Variants in ELP1 observed in about 807,000 individuals in gnomAD.
ELP1 encodes the protein elongator complex protein 1.
Under a neutral mutation model 183.2 loss-of-function variants are expected in ELP1, and 131 were observed. That is an observed-to-expected ratio of 0.72 (90% CI 0.62 to 0.83). The LOEUF (loss-of-function observed/expected upper bound fraction) is 0.83. ELP1 is among the 40% of genes least tolerant of loss of function. The pLI, the probability that ELP1 is intolerant of heterozygous loss-of-function variation, is 0.00. For missense variants in ELP1, 1,550 were observed against 1,594.9 expected (o/e 0.97, Z 0.48); for synonymous variants, 555 against 569.0 (o/e 0.98, Z 0.35).
chr9:108,907,052 G>T (rs1291844357), intron 13 of ELP1, among the ~76,000 whole-genome samples: 1 of 152,154 alleles, frequency 6.6e-6, no homozygotes, highest in African/African-American at 2.4e-5. Flanking sequence ...TCCCACTGAA[G>T]AAGTTGGTCA....
chr9:108,923,697 T>C (rs1829736509), intron 5 of ELP1, among the ~76,000 whole-genome samples: 1 of 152,190 alleles, frequency 6.6e-6, no homozygotes, highest in African/African-American at 2.4e-5. Flanking sequence ...CCCTCCCTAA[T>C]GGTGGAGCCA....
chr9:108,900,131 TA>T, intron 19 of ELP1, 128 bp downstream of exon 19: 1 of 822,874 alleles, frequency 1.2e-6, no homozygotes, highest in South Asian at 1.5e-5. Flanking sequence ...AACAGAAAAC[TA>T]TCAAGGAAAG....
Position 108,891,356 on chromosome 9 carries a change from C to G in ELP1, c.3007G>C (p.Glu1003Gln), listed in dbSNP as rs1398063965. Residue 1003 changes from glutamate to glutamine, a missense_variant, in exon 28 of 37, where the codon GAG (glutamate) becomes CAG (glutamine). Glu to Gln is a conservative substitution (Grantham distance 29). Coordinates refer to ENST00000374647, the MANE Select transcript of ELP1 (RefSeq NM_003640.5). ...GEHLMQEHMY[E>Q]PAGLMFARCG... ...CGGGCAAACATGAGCCCCGCTGGCT[C>G]ATACATGTGCTCCTGCATCAGGTGC... The G allele has an allele frequency of 6.2e-7, 1 of 1,614,076 alleles. No homozygotes were observed. The highest frequency in any genetic ancestry group is 2.2e-5 in the East Asian group (1 of 44,876).
At position 108,879,530 on chromosome 9, in the gene ELP1, G is replaced by A. The variant is rs1459244306; in HGVS notation, c.3488C>T (p.Ser1163Leu). The change falls in exon 33 of 37, where the codon TCA (serine) becomes TTA (leucine). Residue 1163 changes from serine to leucine, a missense_variant. Physicochemically the swap from Ser to Leu is moderately radical, Grantham distance 145. Transcript: ENST00000374647. ...ACTGCTAGTTTCAGAGAAGAGGTCT[G>A]ACTCTTGCCCGTGGGGTACCTCATC... ...LDDEVPHGQE[S>L]DLFSETSSVV... 6.2e-7 allele frequency: 1 copy of A among 1,613,946 alleles called. No individual in the cohort carries two copies. The highest frequency in any genetic ancestry group is 1.3e-5 in the African/African-American group (1 of 74,918).
intron 3 of ELP1, among the ~76,000 whole-genome samples, chr9:108,928,683 A>T (rs1829897553): frequency 6.6e-6 from 1 of 152,216 alleles, no homozygotes; most frequent in African/African-American, 2.4e-5. Flanking sequence ...TAAAGGGCAG[A>T]ATCAGCACCA....
At chr9:108,872,302 A>G (rs1827486360) in intron 36 of ELP1, among the ~76,000 whole-genome samples, 1 of 152,304 alleles carries the variant, frequency 6.6e-6, no homozygotes, top group Middle Eastern at 3.4e-3. Flanking sequence ...CTACAAAATT[A>G]TTACAGTAGT....
Position 108,927,409 on chromosome 9 carries a change from A to C in ELP1, c.348T>G (p.Ser116Arg). 1 of 1,613,906 alleles carries C rather than the reference A, an allele frequency of 6.2e-7. No homozygotes were observed. The part of the protein sequence containing the change: ...GSVASGISVM[S>R]WSPDQELVLL... ...GCACCAGCTCTTGGTCAGGACTCCA[A>C]CTCATAACAGAGATACCACTGGCTA... The change falls in exon 4 of 37, where the codon AGT (serine) becomes AGG (arginine). Residue 116 changes from serine to arginine, a missense_variant. Coordinates refer to ENST00000374647, the MANE Select transcript of ELP1 (RefSeq NM_003640.5).
At chr9:108,920,094 C>T (rs1829589175) in intron 6 of ELP1, among the ~76,000 whole-genome samples, 1 of 152,066 alleles carries the variant, frequency 6.6e-6, no homozygotes, top group African/African-American at 2.4e-5. Context: ...AGGGTTAAGG[C>T]CTGAAATAGG....
intron 22 of ELP1, 74 bp from the exon 23 acceptor site, chr9:108,897,359 G>T (rs1828598788): frequency 6.8e-7 from 1 of 1,469,316 alleles, no homozygotes; most frequent in Non-Finnish European, 9.5e-7. Flanking sequence ...ACATACACCT[G>T]GCATGCTGAT....
At chr9:108,885,445 C>T (rs1482268919) in intron 29 of ELP1, among the ~76,000 whole-genome samples, 2 of 152,104 alleles carry the variant, frequency 1.3e-5, no homozygotes, top group African/African-American at 4.8e-5. Context: ...CATAAACTAC[C>T]AATGCTCATT....
intron 12 of ELP1, among the ~76,000 whole-genome samples, chr9:108,909,854 G>A (rs191445392): frequency 1.1e-4 from 16 of 152,234 alleles, no homozygotes; most frequent in Admixed American, 2.0e-4. Context: ...TGAATGCAGG[G>A]TGGTACAGGG....
intron 18 of ELP1, 54 bp from the exon 19 acceptor site, chr9:108,900,429 T>C (rs146718956): frequency 2.5e-6 from 3 of 1,223,300 alleles, no homozygotes; most frequent in Admixed American, 3.4e-5. Flanking sequence ...CCACTCTCCA[T>C]TAACTGCAAT....
At chr9:108,873,763 G>A (rs1273449179) in intron 36 of ELP1, among the ~76,000 whole-genome samples, 1 of 152,188 alleles carries the variant, frequency 6.6e-6, no homozygotes, top group East Asian at 1.9e-4. Flanking sequence ...GCAGACGCCT[G>A]TAATCCCAGC....
intron 5 of ELP1, 45 bp downstream of exon 5, chr9:108,926,478 G>A (rs1829827089): frequency 6.9e-7 from 1 of 1,448,002 alleles, no homozygotes; most frequent in Non-Finnish European, 9.7e-7. Context: ...GGTCAAAAAT[G>A]GGAAGAAACG....
At chr9:108,911,894 G>C (rs1184211789) in intron 11 of ELP1, among the ~76,000 whole-genome samples, 1 of 152,128 alleles carries the variant, frequency 6.6e-6, no homozygotes. Flanking sequence ...CAACACAAGT[G>C]GGGTGGTATA....
intron 27 of ELP1, among the ~76,000 whole-genome samples, chr9:108,892,766 G>A (rs1003863968): frequency 1.3e-5 from 2 of 152,210 alleles, no homozygotes; most frequent in African/African-American, 4.8e-5. Context: ...GGGTGGGAAA[G>A]AAGCAGGGAA....
chr9:108,893,774 T>C (rs1828431542), intron 26 of ELP1, among the ~76,000 whole-genome samples, 169 bp downstream of exon 26: 1 of 152,234 alleles, frequency 6.6e-6, no homozygotes, highest in South Asian at 2.1e-4. Flanking sequence ...GTGATTACCT[T>C]CAGCTTTTCA....
At chr9:108,880,438 T>A (rs1827882473) in intron 31 of ELP1, among the ~76,000 whole-genome samples, 1 of 150,208 alleles carries the variant, frequency 6.7e-6, no homozygotes, top group Admixed American at 6.6e-5. Context: ...AAGGGAGGAT[T>A]GGCAAAACAA....
chr9:108,897,267 C>A lies in ELP1; in HGVS notation c.2382G>T (p.Lys794Asn), dbSNP rs1828593411. 1 of 1,613,966 alleles carries A rather than the reference C, an allele frequency of 6.2e-7. No homozygotes were observed. The highest frequency in any genetic ancestry group is 1.3e-5 in the African/African-American group (1 of 74,904). ...FTELKEEDVTKTMYPAPVTSS... is the reference protein window; with the variant it reads ...FTELKEEDVTNTMYPAPVTSS... ...TGGTAACTGGTGCAGGGTACATGGT[C>A]TTCGTGACATCTTCTTCTCTAAGAA... is the stretch of plus-strand genomic sequence containing the variant. Residue 794 changes from lysine (K) to asparagine (N), a missense_variant, in exon 23 of 37, where the codon AAG becomes AAT. By Grantham distance (94) the Lys-to-Asn change is moderately conservative. Coordinates refer to ENST00000374647, the MANE Select transcript of ELP1 (RefSeq NM_003640.5).
Sources: gnomAD v4.1 joint callset for allele counts (sites outside exome capture counted in the v4.1 genomes callset) on GRCh38, gnomAD v4.1.1 for gene constraint, MANE v1.5 for transcripts, NCBI Gene and HGNC (gene_info 2026-07-23, HGNC 2026-07-21) for gene names.